Variants in CACNA2D3 observed in about 807,000 individuals in gnomAD.
CACNA2D3 encodes the protein calcium voltage-gated channel auxiliary subunit alpha2delta 3.
CACNA2D3 carries 60 observed loss-of-function variants against 160.6 expected under a neutral mutation model. The ratio of observed to expected loss-of-function variants is 0.37; its 90% CI spans 0.30 to 0.46. The LOEUF (loss-of-function observed/expected upper bound fraction) is 0.46. CACNA2D3 is among the 20% of genes least tolerant of loss of function. The pLI is 1.00. For missense variants in CACNA2D3, 1,205 were observed against 1,365.0 expected (o/e 0.88, Z 1.85); for synonymous variants, 558 against 492.9 (o/e 1.13, Z -1.75).
chr3:54,232,377 G>A (rs1160237999), intron 2 of CACNA2D3, among the ~76,000 whole-genome samples: 3 of 152,164 alleles, frequency 2.0e-5, no homozygotes, highest in Admixed American at 1.3e-4. Context: ...TTGTAAGAGT[G>A]TGAGTGTCAG....
At chr3:54,330,826 C>G (rs767904740) in intron 3 of CACNA2D3, among the ~76,000 whole-genome samples, 89 of 152,312 alleles carry the variant, frequency 5.8e-4, no homozygotes, top group Non-Finnish European at 1.2e-3. Flanking sequence ...GATCCATTCC[C>G]TTGATGTGCT....
At chr3:54,757,446 T>C (rs1701995321) in intron 12 of CACNA2D3, among the ~76,000 whole-genome samples, 1 of 152,214 alleles carries the variant, frequency 6.6e-6, no homozygotes, top group Non-Finnish European at 1.5e-5. Context: ...CCACATGTAG[T>C]GTCCCCCAAA....
At chr3:54,793,176 A>C (rs538309576) in intron 13 of CACNA2D3, among the ~76,000 whole-genome samples, 21 of 152,320 alleles carry the variant, frequency 1.4e-4, no homozygotes, top group Non-Finnish European at 2.9e-4. Context: ...ACCCATCTCA[A>C]CCATCCAAAG....
At chr3:54,871,135 A>G (rs916928402) in intron 17 of CACNA2D3, among the ~76,000 whole-genome samples, 2 of 147,348 alleles carry the variant, frequency 1.4e-5, no homozygotes, top group East Asian at 3.9e-4. Context: ...CTAGTCTGCT[A>G]TGATTTACAG....
At chr3:55,023,982 T>G (rs528233030) in intron 35 of CACNA2D3, among the ~76,000 whole-genome samples, 1 of 137,314 alleles carries the variant, frequency 7.3e-6, no homozygotes, top group East Asian at 2.0e-4. Flanking sequence ...TGTTTTGTTT[T>G]ACTATTTCAT....
chr3:54,466,762 C>G (rs1475776759), intron 4 of CACNA2D3, among the ~76,000 whole-genome samples: 6 of 152,194 alleles, frequency 3.9e-5, no homozygotes, highest in African/African-American at 2.4e-5. Flanking sequence ...TGTTAGTTGC[C>G]TAACACTGTA....
intron 27 of CACNA2D3, chr3:54,925,309 C>A: frequency 9.5e-7 from 1 of 1,050,966 alleles, no homozygotes. Flanking sequence ...AATGTGCTTT[C>A]CAGCCAGGTG....
chr3:55,002,465 C>A (rs1284596835), intron 31 of CACNA2D3, among the ~76,000 whole-genome samples: 1 of 152,182 alleles, frequency 6.6e-6, no homozygotes, highest in Non-Finnish European at 1.5e-5. Context: ...TTAGAGTTGT[C>A]CATTGTGGTC....
rs533403715 is a variant in CACNA2D3, at chr3:55,046,043, CTTCT to C, written c.2988-27399_2988-27396del. On this transcript the variant is annotated intron_variant, in intron 35 of 37. Coordinates refer to ENST00000474759, the MANE Select transcript of CACNA2D3 (RefSeq NM_018398.3). The stretch of plus-strand genomic sequence containing the variant: ...AATATTAGAAATTTTCTCTGAAGTA[CTTCT>C]TTAACTATATCCTAAAAATTTTGAT... 7.8e-3 allele frequency among the ~76,000 whole-genome samples: 1,188 copies of C among 151,698 alleles called. 18 individuals are homozygous for C. The highest frequency in any genetic ancestry group is 0.028 in the African/African-American group (1,141 of 41,362).
chr3:54,970,827 TTC>T (rs1443236277), intron 29 of CACNA2D3, among the ~76,000 whole-genome samples: 1 of 151,702 alleles, frequency 6.6e-6, no homozygotes, highest in Non-Finnish European at 1.5e-5. Flanking sequence ...GAGGTAGCCT[TTC>T]TCTCTCTGCA....
intron 11 of CACNA2D3, among the ~76,000 whole-genome samples, chr3:54,667,864 C>T (rs1264784487): frequency 6.6e-6 from 1 of 151,692 alleles, no homozygotes; most frequent in African/African-American, 2.4e-5. Flanking sequence ...GGAGGATCAC[C>T]TGAGCCTGGG....
At chr3:54,793,342 C>CTG (rs1702799866) in intron 13 of CACNA2D3, among the ~76,000 whole-genome samples, 1 of 152,226 alleles carries the variant, frequency 6.6e-6, no homozygotes, top group South Asian at 2.1e-4. Flanking sequence ...CTCTGTGCAA[C>CTG]TGTTTGGCAA....
At chr3:54,428,931 T>C (rs187778316) in intron 4 of CACNA2D3, among the ~76,000 whole-genome samples, 8 of 152,248 alleles carry the variant, frequency 5.3e-5, no homozygotes, top group Admixed American at 2.0e-4. Flanking sequence ...TGTCTTACCA[T>C]TGGGGCTTTG....
intron 12 of CACNA2D3, among the ~76,000 whole-genome samples, chr3:54,763,957 C>T (rs533741920): frequency 6.8e-6 from 1 of 147,120 alleles, no homozygotes; most frequent in East Asian, 2.0e-4. Context: ...ACAGGAACTT[C>T]CTCTGGGAGA....
Position 54,201,025 on chromosome 3 carries a change from A to G in CACNA2D3, c.204+77431A>G, listed in dbSNP as rs1029284230. Among the ~76,000 whole-genome samples the G allele has an allele frequency of 1.2e-4, 18 of 152,352 alleles. No homozygotes were observed. In the South Asian group the frequency reaches 3.1e-3, roughly 26 times the overall value. On this transcript the variant is annotated intron_variant, in intron 2 of 37. Transcript: ENST00000474759. ...TAGCCACTGAGCCACACATAATGCT[A>G]CTGAGCACCTGAGAGTGTGTGGCCG...
chr3:54,584,452 C>T (rs578048287), intron 9 of CACNA2D3, among the ~76,000 whole-genome samples: 1 of 152,180 alleles, frequency 6.6e-6, no homozygotes, highest in African/African-American at 2.4e-5. Flanking sequence ...CAGTGAATTT[C>T]AGGACAGATC....
chr3:54,647,388 TTTA>T (rs1488550931), intron 11 of CACNA2D3, among the ~76,000 whole-genome samples: 1 of 152,130 alleles, frequency 6.6e-6, no homozygotes. Flanking sequence ...ATAACAATAA[TTTA>T]TTATTTCTTG....
chr3:54,881,100 C>A (rs902325187), intron 21 of CACNA2D3, among the ~76,000 whole-genome samples: 4 of 152,170 alleles, frequency 2.6e-5, no homozygotes, highest in Admixed American at 2.6e-4. Flanking sequence ...TACTTATATT[C>A]TACTTTCATC....
At chr3:54,977,018 A>T (rs532324508) in intron 29 of CACNA2D3, among the ~76,000 whole-genome samples, 1 of 152,194 alleles carries the variant, frequency 6.6e-6, no homozygotes, top group Non-Finnish European at 1.5e-5. Context: ...AACTGTGTTT[A>T]TTTTTTAAAT....
Sources: gnomAD v4.1 joint callset for allele counts (sites outside exome capture counted in the v4.1 genomes callset) on GRCh38, gnomAD v4.1.1 for gene constraint, MANE v1.5 for transcripts, NCBI Gene and HGNC (gene_info 2026-07-23, HGNC 2026-07-21) for gene names.